The following PDE1C variants were observed in gnomAD, a reference collection of about 807,000 sequenced individuals.
The protein encoded by PDE1C is dual specificity calcium/calmodulin-dependent 3',5'-cyclic nucleotide phosphodiesterase 1C.
PDE1C carries 62 observed loss-of-function variants against 93.1 expected under a neutral mutation model. The observed-to-expected ratio is 0.67, with a 90% CI of 0.54 to 0.82. The LOEUF (loss-of-function observed/expected upper bound fraction) is 0.82. PDE1C is among the 40% of genes least tolerant of loss of function. PDE1C has a pLI of 0.00. For synonymous variants in PDE1C, 325 were observed against 310.1 expected (o/e 1.05, Z -0.50); for missense variants, 742 against 884.6 (o/e 0.84, Z 2.04).
In PDE1C at chr7:31,984,195, G is replaced by A. The variant is rs1783073723; in HGVS notation, c.128+67359C>T. Among the ~76,000 whole-genome samples, 5 of 152,118 alleles carry A rather than the reference G, an allele frequency of 3.3e-5. No individual in the cohort carries two copies. The South Asian group carries it at 1.0e-3, about 31-fold the overall frequency. ...AGCAGGAGGTGAGCAGCTGGCAAGC[G>A]AGCAAGACAGCCTGTGCTCTGGCTC... is the stretch of plus-strand genomic sequence containing the variant. On this transcript the variant is annotated intron_variant, in intron 2 of 17. Transcript: ENST00000396191.
chr7:31,855,928 A>T (rs1205644305), intron 7 of PDE1C, among the ~76,000 whole-genome samples: 2 of 151,992 alleles, frequency 1.3e-5, no homozygotes, highest in African/African-American at 4.8e-5. Context: ...TTAGAATCTA[A>T]TGAACATCTA....
intron 16 of PDE1C, chr7:31,784,095 T>C (rs1360233267): frequency 1.3e-5 from 2 of 152,180 alleles, no homozygotes; most frequent in Non-Finnish European, 2.9e-5. Flanking sequence ...TTCTTGATAG[T>C]AATCCAGATA....
At chr7:32,416,903 G>A (rs1170762463) in intron 1 of PDE1C, among the ~76,000 whole-genome samples, 1 of 152,168 alleles carries the variant, frequency 6.6e-6, no homozygotes, top group Non-Finnish European at 1.5e-5. Context: ...AAAAAGCTGT[G>A]ACCTTGGGAG....
At chr7:32,156,743 T>C (rs75697836) in intron 3 of PDE1C, among the ~76,000 whole-genome samples, 25,003 of 152,208 alleles carry the variant, frequency 0.16, 2,499 homozygotes, top group Middle Eastern at 0.25. Context: ...AAAGAAGTGA[T>C]AGGGTTAGAA....
the PDE1C span, among the ~76,000 whole-genome samples, chr7:31,647,059 C>A: frequency 2.6e-5 from 4 of 152,204 alleles, no homozygotes; most frequent in African/African-American, 4.8e-5. Flanking sequence ...TATTTATACT[C>A]CTATGCAGGC....
In PDE1C at chr7:32,341,174, T is replaced by TATTTTTTA. The variant is rs72495478; in HGVS notation, c.310+86647_310+86648insTAAAAAAT. Among the ~76,000 whole-genome samples, 48 of 17,132 alleles carry TATTTTTTA rather than the reference T, an allele frequency of 2.8e-3. 2 individuals are homozygous for TATTTTTTA. The East Asian group carries it at 0.035, about 13-fold the overall frequency. 11.2% of individuals were successfully genotyped at this position (17,132 alleles called of 152,430 possible). A position where few individuals can be genotyped will look rare whatever the true frequency, so the allele number is the denominator to read the frequency against. The stretch of plus-strand genomic sequence containing the variant: ...CTAAAACTACTCTAGAAATAAAGTC[T>TATTTTTTA]TTTTTTTTTTTTTTTTTTTGAGACG... On this transcript the variant is annotated intron_variant, in intron 1 of 1. Coordinates refer to the PDE1C transcript ENST00000672256.
At chr7:32,259,279 G>A (rs1199845576) in intron 1 of PDE1C, among the ~76,000 whole-genome samples, 3 of 152,110 alleles carry the variant, frequency 2.0e-5, no homozygotes, top group African/African-American at 7.2e-5. Context: ...CCAACTCAAG[G>A]CTTTCTATCT....
chr7:32,069,325 T>C (rs1795753952), intron 1 of PDE1C, among the ~76,000 whole-genome samples: 1 of 152,360 alleles, frequency 6.6e-6, no homozygotes, highest in South Asian at 2.1e-4. Context: ...GGCAGGAAGC[T>C]GGTTTTCCCA....
At chr7:32,038,985 C>G (rs901053678) in intron 2 of PDE1C, among the ~76,000 whole-genome samples, 5 of 152,150 alleles carry the variant, frequency 3.3e-5, no homozygotes, top group Non-Finnish European at 7.3e-5. Context: ...AGATGTAAAG[C>G]AAACAGGTGA....
At chr7:31,713,511 G>A in the PDE1C span, among the ~76,000 whole-genome samples, 1 of 152,200 alleles carries the variant, frequency 6.6e-6, no homozygotes, top group Non-Finnish European at 1.5e-5. Flanking sequence ...CTGGGGTCTG[G>A]AGGACAGTGG....
intron 3 of PDE1C, among the ~76,000 whole-genome samples, chr7:32,088,611 T>C (rs1275081590): frequency 6.6e-6 from 1 of 152,224 alleles, no homozygotes; most frequent in Non-Finnish European, 1.5e-5. Flanking sequence ...ACAATTGCAA[T>C]TGATGGCGCT....
chr7:32,145,718 T>A (rs983854515), intron 3 of PDE1C, among the ~76,000 whole-genome samples: 23 of 152,136 alleles, frequency 1.5e-4, no homozygotes, highest in African/African-American at 5.3e-4. Context: ...AGCACTTTCA[T>A]CTACCTCTAT....
chr7:32,028,675 C>T (rs988756709), intron 2 of PDE1C, among the ~76,000 whole-genome samples: 5 of 152,046 alleles, frequency 3.3e-5, no homozygotes, highest in African/African-American at 1.2e-4. Context: ...ATATCCATCA[C>T]CTTAAATACT....
At chr7:32,227,696 C>A (rs1252999015) in intron 1 of PDE1C, among the ~76,000 whole-genome samples, 1 of 152,164 alleles carries the variant, frequency 6.6e-6, no homozygotes, top group Non-Finnish European at 1.5e-5. Flanking sequence ...CAGGAAGGAC[C>A]AATGTCACCA....
At chr7:31,721,739 A>G in the PDE1C span, among the ~76,000 whole-genome samples, 9 of 152,242 alleles carry the variant, frequency 5.9e-5, no homozygotes, top group Admixed American at 5.9e-4. Flanking sequence ...CAACCCATGT[A>G]CAACCACCTG....
At chr7:32,087,125 C>T (rs919725071) in intron 3 of PDE1C, among the ~76,000 whole-genome samples, 1 of 151,978 alleles carries the variant, frequency 6.6e-6, no homozygotes, top group African/African-American at 2.4e-5. Flanking sequence ...GGCTAATATC[C>T]AGAATCTACA....
intron 2 of PDE1C, among the ~76,000 whole-genome samples, chr7:31,889,783 T>TA (rs1798398645): frequency 1.3e-5 from 2 of 152,224 alleles, no homozygotes; most frequent in Admixed American, 1.3e-4. Flanking sequence ...TAGAAGGTGT[T>TA]ACGACTCAGG....
chr7:31,624,624 A>C, the PDE1C span, among the ~76,000 whole-genome samples: 1 of 149,534 alleles, frequency 6.7e-6, no homozygotes, highest in Non-Finnish European at 1.5e-5. Flanking sequence ...GATCAATTCA[A>C]GATGGATTAA....
chr7:31,620,102 G>C, the PDE1C span, among the ~76,000 whole-genome samples: 85,786 of 152,090 alleles, frequency 0.56, 24,592 homozygotes, highest in East Asian at 0.83. Context: ...CAAAGCAGCC[G>C]GGAAGCTCCA....
Sources: gnomAD v4.1 joint callset for allele counts (sites outside exome capture counted in the v4.1 genomes callset) on GRCh38, gnomAD v4.1.1 for gene constraint, MANE v1.5 for transcripts, NCBI Gene and HGNC (gene_info 2026-07-23, HGNC 2026-07-21) for gene names.